Variants in PTGER4 observed in about 807,000 individuals in gnomAD.
The protein encoded by PTGER4 is prostaglandin E2 receptor EP4 subtype.
In PTGER4, 11 loss-of-function variants were observed where a neutral mutation model predicts 33.2. The observed-to-expected ratio is 0.33, with a 90% CI of 0.21 to 0.55. The LOEUF (loss-of-function observed/expected upper bound fraction) is 0.55. Among genes scored for constraint, PTGER4 ranks in the 20% least tolerant of loss-of-function variants. PTGER4 has a pLI of 0.92. For missense variants in PTGER4, 481 were observed against 650.2 expected (o/e 0.74, Z 2.83); for synonymous variants, 275 against 281.5 (o/e 0.98, Z 0.23).
chr5:40,708,030 C>T, the PTGER4 span, among the ~76,000 whole-genome samples: 10 of 152,178 alleles, frequency 6.6e-5, no homozygotes, highest in African/African-American at 2.4e-4. Flanking sequence ...ACATTTAAAG[C>T]AGTGTGTAGA....
chr5:40,706,426 T>A, the PTGER4 span, among the ~76,000 whole-genome samples: 1 of 152,106 alleles, frequency 6.6e-6, no homozygotes, highest in South Asian at 2.1e-4. Flanking sequence ...CAAACCCTCA[T>A]GACACGTGTT....
At chr5:40,721,292 G>A in the PTGER4 span, among the ~76,000 whole-genome samples, 3 of 152,036 alleles carry the variant, frequency 2.0e-5, no homozygotes, top group South Asian at 6.2e-4. Flanking sequence ...CAAAGTAAAT[G>A]GACAAAATCA....
chr5:40,727,658 C>T, the PTGER4 span, among the ~76,000 whole-genome samples: 1 of 152,174 alleles, frequency 6.6e-6, no homozygotes, highest in Admixed American at 6.5e-5. Flanking sequence ...AATCTATCAG[C>T]GGTTTTGTCT....
chr5:40,724,853 ATTTTTTT>A, the PTGER4 span, among the ~76,000 whole-genome samples: 4 of 138,116 alleles, frequency 2.9e-5, no homozygotes, highest in Non-Finnish European at 6.2e-5. Flanking sequence ...TTACAAGTGG[ATTTTTTT>A]TTTTTTTTTT....
At chr5:40,710,310 A>G in the PTGER4 span, among the ~76,000 whole-genome samples, 1 of 152,254 alleles carries the variant, frequency 6.6e-6, no homozygotes. Flanking sequence ...TATGCAGCCA[A>G]AGGACACATG....
At chr5:40,685,967 A>G (rs1413318834) in intron 2 of PTGER4, among the ~76,000 whole-genome samples, 3 of 152,252 alleles carry the variant, frequency 2.0e-5, no homozygotes, top group Admixed American at 6.5e-5. Flanking sequence ...AGAAACTTTC[A>G]GTGTAGAGGT....
At chr5:40,710,755 G>T in the PTGER4 span, among the ~76,000 whole-genome samples, 12 of 152,036 alleles carry the variant, frequency 7.9e-5, no homozygotes, top group African/African-American at 2.4e-4. Context: ...CCATAAAAAA[G>T]GATGAGTTCA....
At position 40,683,126 on chromosome 5, in the gene PTGER4, A is replaced by G. The variant is rs915160830; in HGVS notation, c.867+1266A>G. Among the ~76,000 whole-genome samples, 10 of 152,214 alleles carry G rather than the reference A, an allele frequency of 6.6e-5. No homozygotes were observed. Among genetic ancestry groups the G allele is most frequent in the Non-Finnish European group, 1.2e-4 (8 of 68,038 alleles). ...TTCTAAACTACCAACTCAAAAAGAGATAACTGCTTTTTCTTATGCTTGTTG... is the reference window on the plus strand; with the variant it reads ...TTCTAAACTACCAACTCAAAAAGAGGTAACTGCTTTTTCTTATGCTTGTTG... On this transcript the variant is annotated intron_variant, in intron 2 of 2. Transcript: ENST00000302472. This position sits in a 1 kb window ranked among gnomAD's most constrained non-coding sequence, Gnocchi z 4.2.
the PTGER4 span, among the ~76,000 whole-genome samples, chr5:40,744,490 T>TG: frequency 4.7e-3 from 707 of 151,244 alleles, 5 homozygotes; most frequent in African/African-American, 0.016. Flanking sequence ...CTTACCAGTT[T>TG]TTTTTTTTTT....
At chr5:40,735,993 A>G in the PTGER4 span, among the ~76,000 whole-genome samples, 1 of 152,192 alleles carries the variant, frequency 6.6e-6, no homozygotes, top group Non-Finnish European at 1.5e-5. Flanking sequence ...TTTTAAATGG[A>G]TGTTATCAGG....
chr5:40,729,901 G>T, the PTGER4 span, among the ~76,000 whole-genome samples: 4 of 152,240 alleles, frequency 2.6e-5, no homozygotes, highest in African/African-American at 7.2e-5. Context: ...GTTTCACCAT[G>T]TTGGTCAGGG....
chr5:40,700,392 G>T, the PTGER4 span, among the ~76,000 whole-genome samples: 8 of 152,352 alleles, frequency 5.3e-5, no homozygotes, highest in African/African-American at 1.9e-4. Context: ...CCTCTGCAGT[G>T]AAACTGCCCT....
the PTGER4 span, among the ~76,000 whole-genome samples, chr5:40,725,176 T>C: frequency 6.7e-6 from 1 of 148,898 alleles, no homozygotes; most frequent in Non-Finnish European, 1.5e-5. Flanking sequence ...TTTGTAAATA[T>C]AGGATCTTGC....
chr5:40,715,886 T>C, the PTGER4 span: 1 of 362,704 alleles, frequency 2.8e-6, no homozygotes, highest in Non-Finnish European at 4.9e-6. Flanking sequence ...TTCATTTACA[T>C]ATTCAGATTA....
the PTGER4 span, chr5:40,716,342 G>C: frequency 1.2e-6 from 2 of 1,614,156 alleles, no homozygotes; most frequent in African/African-American, 2.7e-5. Context: ...ATTGACTTTG[G>C]TGAAAAGTGT....
chr5:40,727,177 C>T, the PTGER4 span, among the ~76,000 whole-genome samples: 5 of 152,282 alleles, frequency 3.3e-5, no homozygotes, highest in South Asian at 4.1e-4. Flanking sequence ...CCACAATTTA[C>T]TAAAACCACT....
downstream of PTGER4, among the ~76,000 whole-genome samples, chr5:40,694,298 A>T (rs45609831): frequency 5.2e-3 from 791 of 152,158 alleles, 9 homozygotes; most frequent in African/African-American, 0.018. Context: ...CAGCCTGCCC[A>T]CCTCAGCCTC....
the PTGER4 span, chr5:40,715,442 A>G: frequency 1.3e-5 from 2 of 152,338 alleles, no homozygotes; most frequent in African/African-American, 4.8e-5. Context: ...TACTGTAACA[A>G]TTAAAAAATA....
the PTGER4 span, among the ~76,000 whole-genome samples, chr5:40,718,175 G>A: frequency 6.6e-6 from 1 of 152,054 alleles, no homozygotes; most frequent in Non-Finnish European, 1.5e-5. Flanking sequence ...CCAACTCTTT[G>A]GGAGGCCGAG....
Sources: gnomAD v4.1 joint callset for allele counts (sites outside exome capture counted in the v4.1 genomes callset) on GRCh38, gnomAD v4.1.1 for gene constraint, Gnocchi (gnomAD v3.1) non-coding constraint, MANE v1.5 for transcripts, NCBI Gene and HGNC (gene_info 2026-07-23, HGNC 2026-07-21) for gene names.